Variants in DSCAM observed in about 807,000 individuals in gnomAD.
DSCAM encodes cell adhesion molecule DSCAM.
A neutral mutation model predicts 217.7 loss-of-function variants in DSCAM; 47 were observed. That is an observed-to-expected ratio of 0.22 (90% confidence interval 0.17 to 0.28). The LOEUF is 0.28. Ranked by LOEUF, DSCAM falls within the 10% of genes least tolerant of loss-of-function variation. The pLI is 1.00. For missense variants in DSCAM, 2,080 were observed against 2,618.3 expected (o/e 0.79, Z 4.49); for synonymous variants, 1,056 against 1,015.3 (o/e 1.04, Z -0.76).
chr21:40,039,584 A>T (rs1475442003), intron 32 of DSCAM, among the ~76,000 whole-genome samples: 1 of 152,174 alleles, frequency 6.6e-6, no homozygotes, highest in Non-Finnish European at 1.5e-5. Context: ...ATAGAGAGAG[A>T]GTTTTAAGTA....
At chr21:40,037,350 C>A (rs1244311282) in intron 32 of DSCAM, among the ~76,000 whole-genome samples, 1 of 149,654 alleles carries the variant, frequency 6.7e-6, no homozygotes, top group Non-Finnish European at 1.5e-5. Context: ...ACAAAAGTCA[C>A]AAGCATTCTT....
intron 1 of DSCAM, among the ~76,000 whole-genome samples, chr21:40,750,538 G>A (rs186939025): frequency 1.4e-4 from 21 of 151,760 alleles, no homozygotes; most frequent in East Asian, 5.8e-4. Flanking sequence ...GATCTCACCC[G>A]TTCTGAAGGT....
chr21:40,548,435 G>C (rs1465636464), intron 3 of DSCAM, among the ~76,000 whole-genome samples: 2 of 151,878 alleles, frequency 1.3e-5, no homozygotes, highest in Non-Finnish European at 2.9e-5. Flanking sequence ...GACAGTAGGT[G>C]ACTGGTAATG....
At chr21:40,110,744 C>CA (rs2089887579) in intron 20 of DSCAM, among the ~76,000 whole-genome samples, 1 of 149,380 alleles carries the variant, frequency 6.7e-6, no homozygotes, top group Admixed American at 6.7e-5. Context: ...CTGAAAACCA[C>CA]AGCATGAGAA....
chr21:40,118,682 CCT>C (rs1261378135), intron 20 of DSCAM, among the ~76,000 whole-genome samples: 1 of 152,214 alleles, frequency 6.6e-6, no homozygotes, highest in Non-Finnish European at 1.5e-5. Flanking sequence ...CCCTTTCCTG[CCT>C]CTGATTCATC....
intron 4 of DSCAM, among the ~76,000 whole-genome samples, chr21:40,361,595 G>A (rs976384109): frequency 6.6e-6 from 1 of 152,102 alleles, no homozygotes; most frequent in Non-Finnish European, 1.5e-5. Context: ...CTCCAGTGTG[G>A]CAACAGAGTG....
At position 40,107,237 on chromosome 21, in the gene DSCAM, GTCAT is replaced by G. The variant is rs558266804; in HGVS notation, c.3697-13367_3697-13364del. ...CTTAATTTCATTATTTACCCCCAAA[GTCAT>G]TCAGGAGCAGGTCATTCAATTTCCA... On this transcript the variant is annotated intron_variant, in intron 20 of 32. Transcript: ENST00000400454. 3.9e-3 allele frequency among the ~76,000 whole-genome samples: 601 copies of G among 152,226 alleles called. 2 individuals carry two copies. The highest frequency in any genetic ancestry group is 6.6e-3 in the Non-Finnish European group (449 of 68,000).
chr21:40,611,660 G>A (rs1420905025), intron 3 of DSCAM, among the ~76,000 whole-genome samples: 1 of 152,146 alleles, frequency 6.6e-6, no homozygotes, highest in Non-Finnish European at 1.5e-5. Flanking sequence ...CTTTCCTAAG[G>A]TTGGCTAATG....
chr21:40,014,740 C>T (rs1427950705), intron 32 of DSCAM, among the ~76,000 whole-genome samples: 2 of 152,194 alleles, frequency 1.3e-5, no homozygotes, highest in African/African-American at 2.4e-5. Flanking sequence ...TCCTTCTTCA[C>T]AAGAATTTCC....
chr21:40,299,393 G>T (rs1297002616), intron 9 of DSCAM, among the ~76,000 whole-genome samples: 2 of 152,030 alleles, frequency 1.3e-5, no homozygotes, highest in Non-Finnish European at 2.9e-5. Flanking sequence ...GTGAACTTGT[G>T]AGTTACAATA....
intron 32 of DSCAM, among the ~76,000 whole-genome samples, chr21:40,019,649 A>G (rs2088226360): frequency 6.6e-6 from 1 of 152,100 alleles, no homozygotes; most frequent in Non-Finnish European, 1.5e-5. Context: ...AAGTCCAAGG[A>G]TCCTTTGTGC....
At chr21:40,610,555 T>C (rs569194063) in intron 3 of DSCAM, among the ~76,000 whole-genome samples, 1 of 152,318 alleles carries the variant, frequency 6.6e-6, no homozygotes, top group South Asian at 2.1e-4. Context: ...GCCAAAGTGC[T>C]TGAATTTGGC....
At chr21:40,673,971 A>G (rs2090307767) in intron 3 of DSCAM, among the ~76,000 whole-genome samples, 1 of 152,234 alleles carries the variant, frequency 6.6e-6, no homozygotes, top group South Asian at 2.1e-4. Flanking sequence ...ATACATCTAA[A>G]AAGAGAAAAT....
rs771649302 is a variant in DSCAM, at chr21:40,620,304, AAGAG to A, written c.508+72502_508+72505del. On this transcript the variant is annotated intron_variant, in intron 3 of 32. Coordinates refer to ENST00000400454, the MANE Select transcript of DSCAM (RefSeq NM_001389.5). ...GAAAGAGAGAGAAAAAAGAAAAAGA[AAGAG>A]AGAGAGAAAGAGAGAGAAAAAAGAA... Among the ~76,000 whole-genome samples the A allele has an allele frequency of 1.3e-3, 152 of 113,958 alleles. 10 individuals carry two copies. Among genetic ancestry groups the A allele is most frequent in the Non-Finnish European group, 2.3e-3 (115 of 50,928 alleles). 74.8% of individuals were successfully genotyped at this position (113,958 alleles called of 152,430 possible).
chr21:40,468,968 G>T lies in DSCAM; in HGVS notation c.509-99723C>A, dbSNP rs550596632. ...TACAGGGAAATCACCCTACATTGAG[G>T]GGCAGGAGTGTTTGCATTCCAAGAT... On this transcript the variant is annotated intron_variant, in intron 3 of 32. Transcript: ENST00000400454. Among the ~76,000 whole-genome samples, 307 of 152,102 alleles carry T rather than the reference G, an allele frequency of 2.0e-3. 1 individual carries two copies. Among genetic ancestry groups the T allele is most frequent in the African/African-American group, 7.0e-3 (289 of 41,472 alleles).
At chr21:40,239,978 A>G (rs997507471) in intron 11 of DSCAM, among the ~76,000 whole-genome samples, 2 of 152,204 alleles carry the variant, frequency 1.3e-5, no homozygotes, top group South Asian at 2.1e-4. Context: ...TAGGGAGGCT[A>G]GATTCACTGC....
intron 4 of DSCAM, 97 bp from the exon 5 acceptor site, chr21:40,353,840 C>CA: frequency 9.3e-7 from 1 of 1,071,426 alleles, no homozygotes. Flanking sequence ...TACGGTGCAT[C>CA]ATACCAACTA....
intron 3 of DSCAM, among the ~76,000 whole-genome samples, chr21:40,627,244 G>T (rs1263000442): frequency 6.6e-6 from 1 of 152,224 alleles, no homozygotes. Context: ...GGAGAGGACT[G>T]AAAAATTGAT....
intron 11 of DSCAM, among the ~76,000 whole-genome samples, chr21:40,260,661 C>T (rs1464689342): frequency 6.6e-6 from 1 of 152,200 alleles, no homozygotes; most frequent in African/African-American, 2.4e-5. Flanking sequence ...TGTCCATCAG[C>T]TTATTTCCAT....
Sources: gnomAD v4.1 joint callset for allele counts (sites outside exome capture counted in the v4.1 genomes callset) on GRCh38, gnomAD v4.1.1 for gene constraint, MANE v1.5 for transcripts, NCBI Gene and HGNC (gene_info 2026-07-23, HGNC 2026-07-21) for gene names.